The following DNAI4 variants were observed in gnomAD, a reference collection of about 807,000 sequenced individuals.
DNAI4 encodes the protein dynein axonemal intermediate chain 4.
In DNAI4, 85 loss-of-function variants were observed where a neutral mutation model predicts 105.8. The ratio of observed to expected loss-of-function variants is 0.80; its 90% CI spans 0.67 to 0.96. The LOEUF is 0.96. DNAI4 is among the 40% of genes least tolerant of loss of function. DNAI4 has a pLI of 0.00. For missense variants in DNAI4, 1,014 were observed against 1,005.6 expected, an observed-to-expected ratio of 1.01 and a Z score of -0.11; for synonymous variants, 352 against 331.5, an observed-to-expected ratio of 1.06 and a Z score of -0.67.
chr1:66,838,017 T>C (rs941898524), intron 9 of DNAI4, among the ~76,000 whole-genome samples: 1 of 152,182 alleles, frequency 6.6e-6, no homozygotes, highest in Admixed American at 6.5e-5. Context: ...GGCTGAAAGA[T>C]AAGCACCTAA....
In DNAI4 at chr1:66,914,919, TTAAG is replaced by T. The variant is rs1239745527; in HGVS notation, c.171-9548_171-9545del. Reference sequence around the variant, plus strand: ...AAATGCTTTTTCGAGTTTATGTAACTTAAGTAAAATCTTTAATAAATAAGCTAGC... The same window carrying T: ...AAATGCTTTTTCGAGTTTATGTAACTTAAAATCTTTAATAAATAAGCTAGC... On this transcript the variant is annotated intron_variant, in intron 1 of 16. Transcript: ENST00000371026. Among the ~76,000 whole-genome samples, 11 of 152,328 alleles carry T rather than the reference TTAAG, an allele frequency of 7.2e-5. No homozygotes were observed. The South Asian group carries it at 2.1e-3, about 29-fold the overall frequency.
Position 66,924,741 on chromosome 1 carries a change from C to G in DNAI4, c.91G>C (p.Gly31Arg). The change falls in exon 1 of 17, where the codon GGG (glycine) becomes CGG (arginine). Residue 31 changes from glycine (G) to arginine (R), a missense_variant. Transcript: ENST00000371026. ...YRDFRGGQKK[G>R]WCTTPQLVAT... ...ACCAGCTGGGGAGTGGTGCACCACC[C>G]CTTTTTTTGGCCGCCTCTGAAGTCC... is the stretch of plus-strand genomic sequence containing the variant. 3 of 1,614,226 alleles carry G rather than the reference C, an allele frequency of 1.9e-6. No individual in the cohort carries two copies. Among genetic ancestry groups the G allele is most frequent in the South Asian group, 2.2e-5 (2 of 91,086 alleles).
Position 66,813,856 on chromosome 1 carries a change from C to A in DNAI4, c.*274G>T. On this transcript the variant is annotated 3_prime_UTR_variant, in exon 17 of 17. Transcript: ENST00000371026. Reference sequence around the variant, plus strand: ...CATTTAGACATTGTATAAGAATGTACATGTACTCATATGTACTTAGAATAT... The same window carrying A: ...CATTTAGACATTGTATAAGAATGTAAATGTACTCATATGTACTTAGAATAT... 1 of 281,390 alleles carries A rather than the reference C, an allele frequency of 3.6e-6. No individual in the cohort carries two copies. Among genetic ancestry groups the A allele is most frequent in the Non-Finnish European group, 6.6e-6 (1 of 152,204 alleles). The allele number at this position is 281,390 out of a possible 1,614,324, so 17.4% of individuals were successfully genotyped here.
intron 15 of DNAI4, among the ~76,000 whole-genome samples, chr1:66,823,050 C>T (rs189878703): frequency 6.6e-6 from 1 of 151,678 alleles, no homozygotes; most frequent in Non-Finnish European, 1.5e-5. Context: ...CAATGCTATC[C>T]CTCCCCACTC....
intron 4 of DNAI4, among the ~76,000 whole-genome samples, chr1:66,882,792 A>G (rs560970939): frequency 2.0e-5 from 3 of 151,944 alleles, no homozygotes; most frequent in African/African-American, 7.2e-5. Flanking sequence ...GTTCTTCAAT[A>G]TAAATTATAG....
intron 2 of DNAI4, 36 bp downstream of exon 2, chr1:66,905,165 C>T (rs751762403): frequency 1.4e-6 from 2 of 1,422,960 alleles, no homozygotes; most frequent in Non-Finnish European, 1.9e-6. Flanking sequence ...TTCACAGTGC[C>T]ATTTTCAAAT....
intron 2 of DNAI4, among the ~76,000 whole-genome samples, chr1:66,898,528 T>A (rs1283444661): frequency 6.6e-6 from 1 of 152,110 alleles, no homozygotes; most frequent in Non-Finnish European, 1.5e-5. Flanking sequence ...GGATTAGTTA[T>A]CATGAGAGGG....
intron 6 of DNAI4, among the ~76,000 whole-genome samples, chr1:66,863,059 C>T (rs998061373): frequency 2.6e-5 from 4 of 152,204 alleles, no homozygotes; most frequent in African/African-American, 7.2e-5. Flanking sequence ...CGGTTATTAT[C>T]GTCTCTTTTA....
At chr1:66,898,820 C>T in intron 2 of DNAI4, among the ~76,000 whole-genome samples, 1 of 152,226 alleles carries the variant, frequency 6.6e-6, no homozygotes, top group East Asian at 1.9e-4. Context: ...CTAGTATCTT[C>T]ATGTCTCTAT....
In DNAI4 at chr1:66,890,820, G is replaced by A. The variant is rs1332560515; in HGVS notation, c.643+334C>T. On this transcript the variant is annotated intron_variant, in intron 4 of 16. Transcript: ENST00000371026. The surrounding 1 kb of genome is among the most constrained non-coding windows in gnomAD (Gnocchi z 4.1). ...GTGAGGAAGAAGAGGAAAAGAAGAG[G>A]AAAAGAGGAAGAGGAAGAAAAGGAA... 9.2e-6 allele frequency: 3 copies of A among 326,630 alleles called. No homozygotes were observed. In the East Asian group the frequency reaches 2.8e-4, roughly 31 times the overall value. 20.2% of individuals were successfully genotyped at this position (326,630 alleles called of 1,614,324 possible).
intron 15 of DNAI4, among the ~76,000 whole-genome samples, chr1:66,826,035 A>G (rs149434681): frequency 4.3e-4 from 65 of 152,358 alleles, no homozygotes; most frequent in African/African-American, 1.5e-3. Context: ...ATCCTCTAAT[A>G]ACTTTGGTGT....
At chr1:66,832,545 T>C (rs1211039173) in intron 13 of DNAI4, among the ~76,000 whole-genome samples, 1 of 151,850 alleles carries the variant, frequency 6.6e-6, no homozygotes, top group Admixed American at 6.6e-5. Flanking sequence ...AGGGCAGTGG[T>C]GGGGATGGTT....
At chr1:66,873,675 G>A (rs1417373048) in intron 5 of DNAI4, among the ~76,000 whole-genome samples, 1 of 152,140 alleles carries the variant, frequency 6.6e-6, no homozygotes, top group Non-Finnish European at 1.5e-5. Flanking sequence ...AGCTCCTTTT[G>A]AGAGTCTTGG....
intron 16 of DNAI4, among the ~76,000 whole-genome samples, chr1:66,814,934 T>C (rs1170388291): frequency 6.6e-6 from 1 of 152,176 alleles, no homozygotes; most frequent in African/African-American, 2.4e-5. Flanking sequence ...TGATCATATA[T>C]AAGAGGATGA....
chr1:66,859,528 CA>C (rs1278342828), intron 7 of DNAI4, among the ~76,000 whole-genome samples: 1 of 152,048 alleles, frequency 6.6e-6, no homozygotes, highest in African/African-American at 2.4e-5. Flanking sequence ...TTCGAAATTA[CA>C]AAAAATTTGA....
rs1646130659 is a variant in DNAI4, at chr1:66,840,667, A to G, written c.1296T>C (p.Pro432=). The change falls in exon 9 of 17, where the codon CCT becomes CCC. Residue 432 remains proline, a synonymous_variant. Transcript: ENST00000371026. ...AYRQLPVLKE[P]EPEEPEDVLE... The stretch of plus-strand genomic sequence containing the variant: ...AAACATCTTCAGGCTCTTCAGGTTC[A>G]GGTTCTAAAGTTTAAACAAATAAAA... 6.2e-7 allele frequency: 1 copy of G among 1,614,018 alleles called. No homozygotes were observed. The highest frequency in any genetic ancestry group is 1.3e-5 in the African/African-American group (1 of 75,022).
At chr1:66,838,296 C>T (rs193102694) in intron 9 of DNAI4, among the ~76,000 whole-genome samples, 1 of 152,196 alleles carries the variant, frequency 6.6e-6, no homozygotes, top group Non-Finnish European at 1.5e-5. Context: ...AGGATGGGGT[C>T]CTAATGTGAC....
chr1:66,877,654 A>C (rs1646985222), intron 4 of DNAI4, among the ~76,000 whole-genome samples: 1 of 152,124 alleles, frequency 6.6e-6, no homozygotes, highest in African/African-American at 2.4e-5. Context: ...TAATTTCCTT[A>C]AATTTAACTA....
At chr1:66,851,489 C>G (rs1427205755) in intron 7 of DNAI4, among the ~76,000 whole-genome samples, 1 of 151,768 alleles carries the variant, frequency 6.6e-6, no homozygotes, top group Non-Finnish European at 1.5e-5. Flanking sequence ...CACCTAATAA[C>G]AGCAGAATAC....
Sources: allele counts gnomAD v4.1 joint callset (sites outside exome capture counted in the v4.1 genomes callset), GRCh38; gene constraint gnomAD v4.1.1; non-coding constraint Gnocchi (gnomAD v3.1); transcripts MANE v1.5; gene names NCBI Gene and HGNC (gene_info 2026-07-23, HGNC 2026-07-21).